DTNBP1: variants seen among roughly 807,000 people sequenced by gnomAD.
The protein encoded by DTNBP1 is dystrobrevin binding protein 1, also known as dysbindin.
Under a neutral mutation model 42.8 loss-of-function variants are expected in DTNBP1, and 35 were observed. The observed-to-expected ratio is 0.82, with a 90% CI of 0.63 to 1.09. DTNBP1 has a LOEUF of 1.09. Among genes scored for constraint, DTNBP1 ranks in the 50% least tolerant of loss-of-function variants. DTNBP1 has a pLI of 0.00. For synonymous variants in DTNBP1, 171 were observed against 162.2 expected (o/e 1.05, Z -0.41); for missense variants, 457 against 424.2 (o/e 1.08, Z -0.68).
intron 7 of DTNBP1, among the ~76,000 whole-genome samples, chr6:15,571,720 G>A (rs931301963): frequency 1.3e-5 from 2 of 152,162 alleles, no homozygotes; most frequent in Non-Finnish European, 2.9e-5. Context: ...ACTATTGACT[G>A]TCTTCCAGCT....
chr6:15,623,988 A>G (rs1759193492), intron 5 of DTNBP1, among the ~76,000 whole-genome samples: 1 of 152,230 alleles, frequency 6.6e-6, no homozygotes, highest in Admixed American at 6.5e-5. Flanking sequence ...TGGTTTTGTG[A>G]ATTCGCAAAG....
chr6:15,571,001 T>G (rs1775315783), intron 7 of DTNBP1, among the ~76,000 whole-genome samples: 1 of 152,192 alleles, frequency 6.6e-6, no homozygotes, highest in African/African-American at 2.4e-5. Flanking sequence ...CATTAAGAAA[T>G]TATGTTATTT....
chr6:15,631,786 GC>G (rs2113752718), intron 4 of DTNBP1, among the ~76,000 whole-genome samples: 1 of 152,276 alleles, frequency 6.6e-6, no homozygotes, highest in East Asian at 1.9e-4. Context: ...ATTCCTAGAA[GC>G]AGAATTGTTG....
intron 6 of DTNBP1, among the ~76,000 whole-genome samples, chr6:15,593,579 G>T (rs537920334): frequency 5.6e-4 from 85 of 152,314 alleles, no homozygotes; most frequent in Non-Finnish European, 9.7e-4. Flanking sequence ...GGATTGAGGT[G>T]CACAGCTCAT....
intron 7 of DTNBP1, among the ~76,000 whole-genome samples, chr6:15,546,894 G>A (rs901944285): frequency 1.3e-5 from 2 of 151,050 alleles, no homozygotes; most frequent in South Asian, 2.1e-4. Flanking sequence ...CTAAAATGCC[G>A]CATGAAATAG....
Position 15,523,226 on chromosome 6 carries a change from A to G in DTNBP1, c.812-7T>C. On this transcript the variant is annotated splice_polypyrimidine_tract_variant and splice_region_variant and intron_variant, in intron 9 of 9. Transcript: ENST00000344537. Reference sequence around the variant, plus strand: ...CAGGTACTGGATTCAGGCCCTGCAAAATAACGTAGGGAAGAAAAAGCCCTG... The same window carrying G: ...CAGGTACTGGATTCAGGCCCTGCAAGATAACGTAGGGAAGAAAAAGCCCTG... 1.2e-6 allele frequency: 2 copies of G among 1,614,022 alleles called. No homozygotes were observed. The highest frequency in any genetic ancestry group is 1.7e-6 in the Non-Finnish European group (2 of 1,180,008).
chr6:15,598,721 G>GGGGGTTGGGGGGGGGGGGGGGGGA (rs1581377050), intron 6 of DTNBP1, among the ~76,000 whole-genome samples: 1 of 30,686 alleles, frequency 3.3e-5, no homozygotes, highest in African/African-American at 1.3e-4. Flanking sequence ...TGGGTGGTGG[G>GGGGGTTGGGGGGGGGGGGGGGGGA]AGGGACCTCC....
At chr6:15,526,535 C>G (rs1248648766) in intron 8 of DTNBP1, among the ~76,000 whole-genome samples, 1 of 152,178 alleles carries the variant, frequency 6.6e-6, no homozygotes, top group Non-Finnish European at 1.5e-5. Context: ...TGATCCCATG[C>G]TTGGCGGCAT....
At chr6:15,543,303 T>G (rs1201610929) in intron 7 of DTNBP1, among the ~76,000 whole-genome samples, 1 of 152,226 alleles carries the variant, frequency 6.6e-6, no homozygotes, top group East Asian at 1.9e-4. Flanking sequence ...CCCTCAGTGC[T>G]AACATCTTAC....
At position 15,524,878 on chromosome 6, in the gene DTNBP1, C is replaced by CT. The variant is rs3215464; in HGVS notation, c.668-210dup. On this transcript the variant is annotated intron_variant, in intron 8 of 9. Coordinates refer to ENST00000344537, the MANE Select transcript of DTNBP1 (RefSeq NM_032122.5). ...TTGGCAACTATTATTACCTTTTACA[C>CT]TTCCTTAATCTGTTCATCCCCAGCC... 0.6 allele frequency among the ~76,000 whole-genome samples: 91,633 copies of CT among 152,122 alleles called. 28,753 individuals carry two copies. The highest frequency in any genetic ancestry group is 0.79 in the African/African-American group (32,763 of 41,488).
rs775943974 is a variant in DTNBP1 at position 15,523,064 on chromosome 6, C to T, written c.967G>A (p.Glu323Lys). Residue 323 changes from glutamate to lysine, a missense_variant, in exon 10 of 10, where the codon GAG becomes AAG. Coordinates refer to ENST00000344537, the MANE Select transcript of DTNBP1 (RefSeq NM_032122.5). ...GCAGTGTCCACCTGAACTTCCTCCT[C>T]ATCGGACTGAACAACGGGGGACTCC... ...GGESPVVQSDEEEVQVDTALA... is the reference protein window; with the variant it reads ...GGESPVVQSDKEEVQVDTALA... 3.1e-6 allele frequency: 5 copies of T among 1,614,236 alleles called. No homozygotes were observed. Among genetic ancestry groups the T allele is most frequent in the South Asian group, 1.1e-5 (1 of 91,082 alleles).
rs1771993823 is a variant in DTNBP1, at chr6:15,522,876, A to C, written c.*99T>G. On this transcript the variant is annotated 3_prime_UTR_variant, in exon 10 of 10. Transcript: ENST00000344537. ...CACACATTATTGGCAATTATGTAAA[A>C]ATCAAGAACCTCTATAAAACAACCT... 1 of 1,600,622 alleles carries C rather than the reference A, an allele frequency of 6.2e-7. No homozygotes were observed. Among genetic ancestry groups the C allele is most frequent in the African/African-American group, 1.3e-5 (1 of 74,604 alleles).
chr6:15,604,360 C>T (rs1370403054), intron 6 of DTNBP1, among the ~76,000 whole-genome samples: 1 of 152,166 alleles, frequency 6.6e-6, no homozygotes, highest in Non-Finnish European at 1.5e-5. Context: ...TGCTGCAGAA[C>T]TGCAGAAGCT....
At chr6:15,653,028 TA>T (rs1761098463) in intron 1 of DTNBP1, among the ~76,000 whole-genome samples, 1 of 152,216 alleles carries the variant, frequency 6.6e-6, no homozygotes, top group Non-Finnish European at 1.5e-5. Context: ...TTAGAAAAAG[TA>T]ATGTTCCACA....
rs529501787 is a variant in DTNBP1, at chr6:15,629,429, C to T, written c.223-1954G>A. On this transcript the variant is annotated intron_variant, in intron 4 of 9. Coordinates refer to ENST00000344537, the MANE Select transcript of DTNBP1 (RefSeq NM_032122.5). ...CCATTTCTTACTGAAAATTAAAGTG[C>T]AATGTTTAAATATTGAAATTTAACT... is the stretch of plus-strand genomic sequence containing the variant. Among the ~76,000 whole-genome samples, 361 of 152,040 alleles carry T rather than the reference C, an allele frequency of 2.4e-3. 7 individuals are homozygous for T. The highest frequency in any genetic ancestry group is 0.02 in the Admixed American group (299 of 15,286).
intron 3 of DTNBP1, among the ~76,000 whole-genome samples, chr6:15,642,625 C>T (rs1322120229): frequency 6.6e-6 from 1 of 152,176 alleles, no homozygotes; most frequent in African/African-American, 2.4e-5. Flanking sequence ...CCACAGGAGA[C>T]AAGGTGTTAG....
At chr6:15,619,531 T>C (rs1374877287) in intron 5 of DTNBP1, among the ~76,000 whole-genome samples, 1 of 152,122 alleles carries the variant, frequency 6.6e-6, no homozygotes, top group East Asian at 1.9e-4. Context: ...CTCAAAAAAT[T>C]GTCATGGTCA....
At chr6:15,650,955 C>A (rs1390923478) in intron 3 of DTNBP1, among the ~76,000 whole-genome samples, 1 of 151,958 alleles carries the variant, frequency 6.6e-6, no homozygotes, top group African/African-American at 2.4e-5. Flanking sequence ...TATTAAACTC[C>A]ATGTCAATAA....
intron 7 of DTNBP1, among the ~76,000 whole-genome samples, chr6:15,536,959 T>G (rs914469596): frequency 2.0e-4 from 30 of 152,262 alleles, no homozygotes; most frequent in African/African-American, 6.3e-4. Flanking sequence ...TCAGACTTGC[T>G]TGGGGCCTGT....
Sources: gnomAD v4.1 joint callset for allele counts (sites outside exome capture counted in the v4.1 genomes callset) on GRCh38, gnomAD v4.1.1 for gene constraint, MANE v1.5 for transcripts, NCBI Gene and HGNC (gene_info 2026-07-23, HGNC 2026-07-21) for gene names.